Variants in CNTN1 observed in about 807,000 individuals in gnomAD.
CNTN1 encodes the protein contactin 1.
CNTN1 carries 38 observed loss-of-function variants against 126.4 expected under a neutral mutation model. The ratio of observed to expected loss-of-function variants is 0.30; its 90% CI spans 0.23 to 0.39. CNTN1 has a LOEUF of 0.39. Ranked by LOEUF, CNTN1 falls within the 10% of genes least tolerant of loss-of-function variation. The pLI is 1.00. For missense variants in CNTN1, 1,009 were observed against 1,248.4 expected (o/e 0.81, Z 2.89); for synonymous variants, 413 against 422.6 (o/e 0.98, Z 0.28).
intron 1 of CNTN1, among the ~76,000 whole-genome samples, chr12:40,834,585 A>G (rs912382673): frequency 1.3e-5 from 2 of 152,178 alleles, no homozygotes; most frequent in African/African-American, 4.8e-5. Flanking sequence ...TGACAAGCAG[A>G]CGAATCTATT....
chr12:40,842,000 T>TA (rs748859287), intron 1 of CNTN1, among the ~76,000 whole-genome samples: 1 of 151,556 alleles, frequency 6.6e-6, no homozygotes, highest in South Asian at 2.1e-4. Context: ...AAATTTTTTT[T>TA]AAAAAAAGAA....
intron 1 of CNTN1, among the ~76,000 whole-genome samples, chr12:40,792,210 TG>T (rs1186368424): frequency 6.6e-6 from 1 of 151,948 alleles, no homozygotes; most frequent in Non-Finnish European, 1.5e-5. Context: ...TGGGGAGAAA[TG>T]GGACCCAGCA....
intron 1 of CNTN1, among the ~76,000 whole-genome samples, chr12:40,723,237 T>A (rs1219509877): frequency 6.6e-6 from 1 of 152,186 alleles, no homozygotes; most frequent in Non-Finnish European, 1.5e-5. Context: ...AATTAATTCT[T>A]AGCTATTCAG....
intron 1 of CNTN1, chr12:40,895,883 G>C (rs564568290): frequency 4.6e-5 from 7 of 151,096 alleles, no homozygotes; most frequent in Non-Finnish European, 7.4e-5. Context: ...TCAGCCTCCC[G>C]AGTAGCTGGG....
At chr12:41,032,458 T>C (rs1319174172) in intron 23 of CNTN1, among the ~76,000 whole-genome samples, 1 of 152,152 alleles carries the variant, frequency 6.6e-6, no homozygotes, top group Non-Finnish European at 1.5e-5. Context: ...TAGTGGTCTA[T>C]ATAATCCACC....
chr12:40,877,486 A>C (rs555679338), intron 1 of CNTN1, among the ~76,000 whole-genome samples: 1 of 152,236 alleles, frequency 6.6e-6, no homozygotes, highest in East Asian at 1.9e-4. Context: ...TCTACAGAGA[A>C]CTCTCTGGGA....
At chr12:40,959,350 T>G (rs1947021445) in intron 15 of CNTN1, 116 bp downstream of exon 15, 1 of 1,071,890 alleles carries the variant, frequency 9.3e-7, no homozygotes, top group Non-Finnish European at 1.4e-6. Flanking sequence ...CTCAATCCCA[T>G]GCTTAAGAAT....
chr12:40,926,183 A>AGATAGATAGATAGAT (rs1945683366), intron 6 of CNTN1, among the ~76,000 whole-genome samples: 5 of 150,388 alleles, frequency 3.3e-5, no homozygotes, highest in Middle Eastern at 3.4e-3. Context: ...ATAGATAGAT[A>AGATAGATAGATAGAT]GATAGATAGA....
At chr12:40,943,181 T>G (rs773730692) in intron 12 of CNTN1, among the ~76,000 whole-genome samples, 1 of 152,120 alleles carries the variant, frequency 6.6e-6, no homozygotes, top group Admixed American at 6.6e-5. Context: ...TTTTAAAATA[T>G]TTTTTAAAGT....
chr12:40,789,091 A>G (rs1940132885), intron 1 of CNTN1, among the ~76,000 whole-genome samples: 2 of 152,258 alleles, frequency 1.3e-5, no homozygotes, highest in Non-Finnish European at 1.5e-5. Flanking sequence ...TAATTGCTAT[A>G]TAATTATTAT....
intron 1 of CNTN1, among the ~76,000 whole-genome samples, chr12:40,847,904 T>G (rs1942572545): frequency 6.6e-6 from 1 of 152,212 alleles, no homozygotes. Flanking sequence ...AGGCATTAGA[T>G]TCTCATAAGA....
At chr12:41,058,049 G>C (rs1949863455) in intron 23 of CNTN1, among the ~76,000 whole-genome samples, 1 of 152,044 alleles carries the variant, frequency 6.6e-6, no homozygotes, top group African/African-American at 2.4e-5. Flanking sequence ...AGGAGTAGTG[G>C]CAGGAATAGG....
chr12:40,868,728 A>G (rs1943386717), intron 1 of CNTN1, among the ~76,000 whole-genome samples: 2 of 152,026 alleles, frequency 1.3e-5, no homozygotes, highest in Admixed American at 6.6e-5. Context: ...CTGAACACCT[A>G]TCCCTGACAA....
chr12:40,730,192 A>G (rs1942457518), intron 1 of CNTN1, among the ~76,000 whole-genome samples: 1 of 152,220 alleles, frequency 6.6e-6, no homozygotes, highest in South Asian at 2.1e-4. Context: ...TTATGGCAAA[A>G]GTAGCCATGC....
At chr12:40,786,961 A>G (rs1247148533) in intron 1 of CNTN1, among the ~76,000 whole-genome samples, 1 of 152,182 alleles carries the variant, frequency 6.6e-6, no homozygotes, top group Non-Finnish European at 1.5e-5. Context: ...CTAATAAATG[A>G]GTATAAATCT....
chr12:40,910,620 A>G (rs1445303032), intron 3 of CNTN1, among the ~76,000 whole-genome samples: 1 of 152,208 alleles, frequency 6.6e-6, no homozygotes, highest in Admixed American at 6.5e-5. Context: ...ATACTGGAAA[A>G]AATACAGAGT....
chr12:40,829,879 G>A (rs571863752), intron 1 of CNTN1, among the ~76,000 whole-genome samples: 1 of 152,226 alleles, frequency 6.6e-6, no homozygotes, highest in East Asian at 1.9e-4. Flanking sequence ...GAGAAAGAAT[G>A]GAGGGGGGCA....
intron 1 of CNTN1, among the ~76,000 whole-genome samples, chr12:40,887,915 C>CA (rs1220395623): frequency 2.0e-5 from 3 of 149,544 alleles, no homozygotes; most frequent in Admixed American, 6.8e-5. Flanking sequence ...ATCGCAAGGA[C>CA]AAAAAACCAA....
At chr12:40,839,825 A>G (rs1289812547) in intron 1 of CNTN1, among the ~76,000 whole-genome samples, 1 of 152,184 alleles carries the variant, frequency 6.6e-6, no homozygotes, top group Non-Finnish European at 1.5e-5. Context: ...GTAAAAGTGT[A>G]AAATCACTGG....
Sources: allele counts gnomAD v4.1 joint callset (sites outside exome capture counted in the v4.1 genomes callset), GRCh38; gene constraint gnomAD v4.1.1; transcripts MANE v1.5; gene names NCBI Gene and HGNC (gene_info 2026-07-23, HGNC 2026-07-21).